The following NOS1AP variants were observed in gnomAD, a reference collection of about 807,000 sequenced individuals.
NOS1AP encodes the protein nitric oxide synthase 1 adaptor protein.
NOS1AP carries 21 observed loss-of-function variants against 56.2 expected under a neutral mutation model. That is an observed-to-expected ratio of 0.37 (90% CI 0.26 to 0.54). The LOEUF is 0.54. NOS1AP is among the 20% of genes least tolerant of loss of function. NOS1AP has a pLI of 0.84. For missense variants in NOS1AP, 522 were observed against 657.8 expected, an observed-to-expected ratio of 0.79 and a Z score of 2.26; for synonymous variants, 270 against 274.6, an observed-to-expected ratio of 0.98 and a Z score of 0.17.
chr1:162,295,942 G>T (rs753049323), intron 3 of NOS1AP, among the ~76,000 whole-genome samples: 1 of 151,482 alleles, frequency 6.6e-6, no homozygotes, highest in Non-Finnish European at 1.5e-5. Context: ...AGACCCTTTA[G>T]TTCTAAAGTT....
At chr1:162,267,072 A>G (rs940623633) in intron 2 of NOS1AP, among the ~76,000 whole-genome samples, 2 of 152,198 alleles carry the variant, frequency 1.3e-5, no homozygotes, top group Admixed American at 6.5e-5. Context: ...AAACAAATAT[A>G]AACAGATCAC....
At chr1:162,151,169 CT>C (rs2102090151) in intron 1 of NOS1AP, among the ~76,000 whole-genome samples, 1 of 152,276 alleles carries the variant, frequency 6.6e-6, no homozygotes, top group South Asian at 2.1e-4. Flanking sequence ...CAGTTTTATT[CT>C]TCTACATATG....
rs769389022 is a variant in NOS1AP, at chr1:162,367,352, A to T, written c.1406A>T (p.Asn469Ile). The T allele has an allele frequency of 6.2e-7, 1 of 1,612,740 alleles. No homozygotes were observed. The highest frequency in any genetic ancestry group is 2.2e-5 in the East Asian group (1 of 44,868). ...GGCATCGCCTCGGAGTACGAGTCCAACACGGACGAGAGCGAGGAGCGCGAC... is the reference window on the plus strand; with the variant it reads ...GGCATCGCCTCGGAGTACGAGTCCATCACGGACGAGAGCGAGGAGCGCGAC... ...ESGIASEYESNTDESEERDSW... is the reference protein window; with the variant it reads ...ESGIASEYESITDESEERDSW... The change falls in exon 10 of 10, where the codon AAC (asparagine) becomes ATC (isoleucine). Residue 469 changes from asparagine to isoleucine, a missense_variant. This residue lies in a region of NOS1AP where 160 missense variants were observed against 180.3 expected (regional missense o/e 0.89). Transcript: ENST00000361897. This position sits in a 1 kb window ranked among gnomAD's most constrained non-coding sequence, Gnocchi z 6.5.
intron 2 of NOS1AP, among the ~76,000 whole-genome samples, chr1:162,232,513 T>C (rs1653154027): frequency 6.6e-6 from 1 of 151,414 alleles, no homozygotes; most frequent in South Asian, 2.1e-4. Flanking sequence ...AAGAGTGTTG[T>C]GATCTTCTTT....
intron 8 of NOS1AP, chr1:162,364,387 C>T (rs1456050123): frequency 3.0e-6 from 3 of 985,342 alleles, no homozygotes; most frequent in African/African-American, 1.7e-5. Flanking sequence ...ACTCTTTATT[C>T]ACTTCTTTGC....
chr1:162,201,982 T>C (rs903664034), intron 2 of NOS1AP, among the ~76,000 whole-genome samples: 2 of 152,164 alleles, frequency 1.3e-5, no homozygotes, highest in African/African-American at 4.8e-5. Context: ...AGAGGAGAGT[T>C]GGAAAGCCTA....
At chr1:162,303,910 T>TC (rs1035140027) in intron 4 of NOS1AP, among the ~76,000 whole-genome samples, 5 of 150,880 alleles carry the variant, frequency 3.3e-5, no homozygotes, top group Non-Finnish European at 7.4e-5. Context: ...TTGTCTTTTT[T>TC]TTTTTTTTTT....
chr1:162,271,289 AC>A (rs1271475554), intron 2 of NOS1AP, among the ~76,000 whole-genome samples: 1 of 120,792 alleles, frequency 8.3e-6, no homozygotes, highest in Non-Finnish European at 1.7e-5. Flanking sequence ...GGTACCCCCC[AC>A]CCCCCAGCAT....
At chr1:162,350,495 T>C (rs917546079) in intron 6 of NOS1AP, among the ~76,000 whole-genome samples, 1 of 152,242 alleles carries the variant, frequency 6.6e-6, no homozygotes, top group Admixed American at 6.5e-5. Flanking sequence ...ACTTGCCCTG[T>C]TGTGCCCTAT....
chr1:162,082,014 G>A (rs1045435528), intron 1 of NOS1AP, among the ~76,000 whole-genome samples: 3 of 151,560 alleles, frequency 2.0e-5, no homozygotes, highest in African/African-American at 7.3e-5. Flanking sequence ...GGGGTTTGTT[G>A]TACAGATTAT....
intron 2 of NOS1AP, among the ~76,000 whole-genome samples, chr1:162,216,486 G>C (rs1002714792): frequency 1.3e-5 from 2 of 152,188 alleles, no homozygotes; most frequent in African/African-American, 4.8e-5. Flanking sequence ...ACATCTTATA[G>C]TTGGACTCTT....
At chr1:162,215,845 G>A (rs1328775159) in intron 2 of NOS1AP, among the ~76,000 whole-genome samples, 1 of 152,194 alleles carries the variant, frequency 6.6e-6, no homozygotes, top group African/African-American at 2.4e-5. Flanking sequence ...AGAAAACAGA[G>A]GAAAGGAACA....
At chr1:162,089,287 T>C (rs1379789964) in intron 1 of NOS1AP, among the ~76,000 whole-genome samples, 1 of 152,222 alleles carries the variant, frequency 6.6e-6, no homozygotes, top group African/African-American at 2.4e-5. Flanking sequence ...CTGAGAATTC[T>C]GGTTTTCAAA....
chr1:162,157,130 G>C (rs1650006819), intron 2 of NOS1AP: 1 of 154,438 alleles, frequency 6.5e-6, no homozygotes, highest in Non-Finnish European at 1.5e-5. Context: ...GGATCTGGAG[G>C]CATCTGGGGT....
At chr1:162,127,254 C>T (rs1471699319) in intron 1 of NOS1AP, among the ~76,000 whole-genome samples, 4 of 152,216 alleles carry the variant, frequency 2.6e-5, no homozygotes, top group Middle Eastern at 3.4e-3. Flanking sequence ...TTCTCTACCC[C>T]AACCACATAT....
chr1:162,336,160 T>C (rs1656933822), intron 5 of NOS1AP, among the ~76,000 whole-genome samples: 1 of 152,244 alleles, frequency 6.6e-6, no homozygotes, highest in African/African-American at 2.4e-5. Context: ...TAACCTGTTT[T>C]GATTAGTTGC....
rs907509782 is a variant in NOS1AP, at chr1:162,363,722, T to C, written c.940-1682T>C. On this transcript the variant is annotated intron_variant, in intron 8 of 9. Transcript: ENST00000361897. ...GAGATCTCAAGGGTTTGGGGAGCTA[T>C]ATGTCAGGAAACAGGGATGAAGACC... 4 of 874,776 alleles carry C rather than the reference T, an allele frequency of 4.6e-6. No homozygotes were observed. In the Admixed American group the frequency reaches 1.9e-4, roughly 41 times the overall value. 54.2% of individuals were successfully genotyped at this position (874,776 alleles called of 1,614,324 possible).
intron 1 of NOS1AP, among the ~76,000 whole-genome samples, chr1:162,107,165 A>T (rs758152430): frequency 7.2e-5 from 11 of 152,180 alleles, no homozygotes; most frequent in Non-Finnish European, 1.2e-4. Context: ...AAGAAATAAG[A>T]GAATACGTAT....
At chr1:162,277,649 T>C (rs7525777) in intron 2 of NOS1AP, among the ~76,000 whole-genome samples, 29,815 of 152,154 alleles carry the variant, frequency 0.2, 3,069 homozygotes, top group East Asian at 0.3. Context: ...GGAAAAGCAG[T>C]CCCACATGAA....
Sources: gnomAD v4.1 joint callset for allele counts (sites outside exome capture counted in the v4.1 genomes callset) on GRCh38, gnomAD v4.1.1 for gene constraint, gnomAD v4.1.1 regional missense constraint, Gnocchi (gnomAD v3.1) non-coding constraint, MANE v1.5 for transcripts, NCBI Gene and HGNC (gene_info 2026-07-23, HGNC 2026-07-21) for gene names.